Variants in AXDND1 observed in about 807,000 individuals in gnomAD.
AXDND1 encodes the protein axonemal dynein light chain domain-containing protein 1.
A neutral mutation model predicts 137.5 loss-of-function variants in AXDND1; 110 were observed. The observed-to-expected ratio is 0.80, with a 90% CI of 0.69 to 0.94. The LOEUF is 0.94. AXDND1 is among the 40% of genes least tolerant of loss of function. The pLI is 0.00. For synonymous variants in AXDND1, 414 were observed against 399.7 expected, an observed-to-expected ratio of 1.04 and a Z score of -0.43; for missense variants, 1,191 against 1,169.8, an observed-to-expected ratio of 1.02 and a Z score of -0.26.
At chr1:179,463,130 C>T (rs902499339) in intron 16 of AXDND1, among the ~76,000 whole-genome samples, 8 of 152,180 alleles carry the variant, frequency 5.3e-5, no homozygotes, top group Non-Finnish European at 1.2e-4. Flanking sequence ...CAGTTCTGCT[C>T]TGATGTTAGT....
intron 16 of AXDND1, chr1:179,455,485 T>C (rs139357047): frequency 0.063 from 9,448 of 150,718 alleles, 341 homozygotes; most frequent in African/African-American, 0.071. Context: ...TCCCAGCTAC[T>C]CTGGAGGCTG....
intron 23 of AXDND1, among the ~76,000 whole-genome samples, 188 bp downstream of exon 23, chr1:179,528,619 T>G (rs887478621): frequency 2.0e-5 from 3 of 150,796 alleles, no homozygotes; most frequent in Middle Eastern, 3.5e-3. Flanking sequence ...TACAAAAGCT[T>G]CTCATTCTCA....
At chr1:179,427,112 C>T (rs78409547) in intron 12 of AXDND1, among the ~76,000 whole-genome samples, 14,217 of 151,976 alleles carry the variant, frequency 0.094, 750 homozygotes, top group Non-Finnish European at 0.098. Context: ...TGCAGTAAGC[C>T]GAAATCATGC....
intron 15 of AXDND1, among the ~76,000 whole-genome samples, chr1:179,444,389 TTCTACACTG>T (rs1479116802): frequency 2.0e-5 from 3 of 152,128 alleles, no homozygotes; most frequent in Admixed American, 1.3e-4. Flanking sequence ...CTAATTGCTC[TTCTACACTG>T]TCTCCCCATG....
chr1:179,447,388 A>G (rs1235421138), intron 16 of AXDND1, among the ~76,000 whole-genome samples: 5 of 152,192 alleles, frequency 3.3e-5, no homozygotes, highest in Non-Finnish European at 5.9e-5. Flanking sequence ...ATTTAGCTTT[A>G]ATTTTAAATA....
intron 16 of AXDND1, among the ~76,000 whole-genome samples, chr1:179,446,559 CTG>C (rs538566823): frequency 1.5e-4 from 23 of 152,324 alleles, no homozygotes; most frequent in South Asian, 4.1e-4. Flanking sequence ...CCAGGTGATT[CTG>C]TTGCCAGTGG....
chr1:179,413,167 A>G (rs1361932728), intron 12 of AXDND1, among the ~76,000 whole-genome samples: 1 of 149,340 alleles, frequency 6.7e-6, no homozygotes, highest in East Asian at 2.0e-4. Flanking sequence ...GAACATTTAC[A>G]TACACTCGTG....
intron 21 of AXDND1, among the ~76,000 whole-genome samples, chr1:179,523,329 A>G (rs535578804): frequency 5.3e-5 from 8 of 151,554 alleles, no homozygotes; most frequent in Non-Finnish European, 1.0e-4. Context: ...GTACAACATG[A>G]TGTTTTGAAG....
intron 16 of AXDND1, among the ~76,000 whole-genome samples, chr1:179,463,931 A>G (rs1232711501): frequency 6.6e-6 from 1 of 151,832 alleles, no homozygotes; most frequent in Non-Finnish European, 1.5e-5. Context: ...ATCAGAGACT[A>G]GGATTGCAAC....
At chr1:179,504,777 C>A (rs1668368556) in intron 20 of AXDND1, among the ~76,000 whole-genome samples, 1 of 152,172 alleles carries the variant, frequency 6.6e-6, no homozygotes, top group Non-Finnish European at 1.5e-5. Flanking sequence ...TTCTCACTCA[C>A]TAACCGTTCT....
chr1:179,440,938 C>T (rs1456276352), intron 15 of AXDND1, among the ~76,000 whole-genome samples: 2 of 152,146 alleles, frequency 1.3e-5, no homozygotes, highest in East Asian at 3.9e-4. Flanking sequence ...TGAGCTGAAA[C>T]CCCAGAGGTC....
At chr1:179,443,128 T>C (rs1038141928) in intron 15 of AXDND1, among the ~76,000 whole-genome samples, 1 of 152,220 alleles carries the variant, frequency 6.6e-6, no homozygotes, top group African/African-American at 2.4e-5. Context: ...AGGAGTGATG[T>C]CCCTCAGCAA....
intron 11 of AXDND1, among the ~76,000 whole-genome samples, chr1:179,398,179 A>G (rs1651360011): frequency 6.6e-6 from 1 of 152,002 alleles, no homozygotes. Context: ...CTTTTATCCT[A>G]TATGATGACA....
chr1:179,549,420 A>G (rs1293871589), intron 25 of AXDND1, among the ~76,000 whole-genome samples: 1 of 151,986 alleles, frequency 6.6e-6, no homozygotes, highest in Non-Finnish European at 1.5e-5. Context: ...TGGCATGCCA[A>G]TGAGAAATTT....
chr1:179,441,565 G>A (rs1253211478), intron 15 of AXDND1, among the ~76,000 whole-genome samples: 6 of 152,158 alleles, frequency 3.9e-5, no homozygotes, highest in Non-Finnish European at 4.4e-5. Context: ...CTGCGGCCAC[G>A]GTATGAGGAA....
At chr1:179,401,660 A>G (rs1027975725) in intron 11 of AXDND1, among the ~76,000 whole-genome samples, 3 of 151,798 alleles carry the variant, frequency 2.0e-5, no homozygotes, top group Non-Finnish European at 2.9e-5. Flanking sequence ...ACTTGGGGGG[A>G]AATAATTGAA....
intron 18 of AXDND1, among the ~76,000 whole-genome samples, chr1:179,490,023 C>A (rs1049942087): frequency 1.3e-5 from 2 of 152,154 alleles, no homozygotes; most frequent in East Asian, 3.8e-4. Context: ...AGATTACAGG[C>A]GTGAGCCACC....
chr1:179,411,801 C>T (rs1371016003), intron 12 of AXDND1, among the ~76,000 whole-genome samples: 2 of 151,886 alleles, frequency 1.3e-5, no homozygotes, highest in East Asian at 1.9e-4. Context: ...CTTATCTCTT[C>T]ATACAAGGTG....
chr1:179,541,663 G>A (rs895698889), intron 25 of AXDND1, among the ~76,000 whole-genome samples: 114 of 137,666 alleles, frequency 8.3e-4, no homozygotes, highest in Non-Finnish European at 1.6e-3. Flanking sequence ...ATATATGCAT[G>A]ATAATATGCA....
Sources: gnomAD v4.1 joint callset for allele counts (sites outside exome capture counted in the v4.1 genomes callset) on GRCh38, gnomAD v4.1.1 for gene constraint, MANE v1.5 for transcripts, NCBI Gene and HGNC (gene_info 2026-07-23, HGNC 2026-07-21) for gene names.